Variants in AKAP13 observed in about 807,000 individuals in gnomAD.
AKAP13 encodes A-kinase anchoring protein 13, also known as A-kinase anchor protein 13.
A neutral mutation model predicts 264.5 loss-of-function variants in AKAP13; 80 were observed. The observed-to-expected ratio is 0.30, with a 90% CI of 0.25 to 0.36. The LOEUF (loss-of-function observed/expected upper bound fraction) is 0.36, where lower values mean the gene tolerates loss of function less well. Among genes scored for constraint, AKAP13 ranks in the 10% least tolerant of loss-of-function variants. The pLI is 1.00. For missense variants in AKAP13, 3,712 were observed against 3,435.2 expected (o/e 1.08, Z -2.01); for synonymous variants, 1,380 against 1,250.2 (o/e 1.10, Z -2.19).
chr15:85,551,894 C>G (rs367966929), intron 5 of AKAP13, among the ~76,000 whole-genome samples: 1 of 152,146 alleles, frequency 6.6e-6, no homozygotes, highest in Non-Finnish European at 1.5e-5. Flanking sequence ...TTGGTCAATT[C>G]TAAAGTTTTC....
At chr15:85,416,861 T>C (rs2072264549) in intron 1 of AKAP13, among the ~76,000 whole-genome samples, 1 of 152,208 alleles carries the variant, frequency 6.6e-6, no homozygotes, top group Admixed American at 6.5e-5. Context: ...TGGAGGTTCT[T>C]ACACATTTGG....
intron 19 of AKAP13, among the ~76,000 whole-genome samples, chr15:85,712,275 T>C (rs911142064): frequency 5.9e-5 from 9 of 152,226 alleles, no homozygotes; most frequent in Non-Finnish European, 1.3e-4. Flanking sequence ...AAGAGAGTGA[T>C]TCCCTTTAGA....
At chr15:85,561,196 T>A (rs569032970) in intron 5 of AKAP13, among the ~76,000 whole-genome samples, 1 of 152,158 alleles carries the variant, frequency 6.6e-6, no homozygotes, top group African/African-American at 2.4e-5. Flanking sequence ...TAGCTGGGAT[T>A]ACAGGCGCCC....
rs576735364 is a variant in AKAP13 at position 85,650,118 on chromosome 15, A to G, written c.4374+4164A>G. Among the ~76,000 whole-genome samples, 27 of 152,318 alleles carry G rather than the reference A, an allele frequency of 1.8e-4. No homozygotes were observed. In the East Asian group the frequency reaches 4.2e-3, roughly 24 times the overall value. ...CCAAAAAATTACTTAAAAAAAAACA[A>G]TAAACCTTTTTGAGATAAAAATAAA... On this transcript the variant is annotated intron_variant, in intron 10 of 36. Coordinates refer to ENST00000394518, the MANE Select transcript of AKAP13 (RefSeq NM_007200.5).
intron 1 of AKAP13, among the ~76,000 whole-genome samples, chr15:85,431,995 T>G (rs1178927969): frequency 6.6e-6 from 1 of 152,188 alleles, no homozygotes; most frequent in Non-Finnish European, 1.5e-5. Context: ...ATGAAAAAGA[T>G]GCCTAATTTC....
At chr15:85,600,319 A>T (rs900294658) in intron 8 of AKAP13, among the ~76,000 whole-genome samples, 12 of 42,932 alleles carry the variant, frequency 2.8e-4, no homozygotes, top group South Asian at 1.6e-3. Context: ...GCTTAGATTT[A>T]AAAAAAAAAA....
Position 85,744,745 on chromosome 15 carries a change from C to T in AKAP13, c.*68C>T, listed in dbSNP as rs377731650. On this transcript the variant is annotated 3_prime_UTR_variant, in exon 37 of 37. Coordinates refer to ENST00000394518, the MANE Select transcript of AKAP13 (RefSeq NM_007200.5). ...CAGCCCACCTCTCCTGCTGTCCCCG[C>T]GTGCACAAGTCTCTTACACTGGACG... The T allele has an allele frequency of 8.0e-4, 1,153 of 1,447,128 alleles. 15 individuals carry two copies. The highest frequency in any genetic ancestry group is 4.3e-3 in the South Asian group (326 of 75,474). 89.6% of individuals were successfully genotyped at this position (1,447,128 alleles called of 1,614,324 possible).
At position 85,579,641 on chromosome 15, in the gene AKAP13, A is replaced by G. The variant is rs775604252; in HGVS notation, c.1573A>G (p.Ser525Gly). 3 of 1,614,108 alleles carry G rather than the reference A, an allele frequency of 1.9e-6. No individual in the cohort carries two copies. The highest frequency in any genetic ancestry group is 1.3e-5 in the African/African-American group (1 of 74,936). ...TAGASDVHVTSKPVDKISVPN... is the reference protein window; with the variant it reads ...TAGASDVHVTGKPVDKISVPN... The stretch of plus-strand genomic sequence containing the variant: ...TGGAGCCTCTGACGTGCACGTCACA[A>G]GTAAGCCTGTGGATAAAATCAGTGT... Residue 525 changes from serine (S) to glycine (G), a missense_variant, in exon 7 of 37, where the codon AGT becomes GGT. Coordinates refer to ENST00000394518, the MANE Select transcript of AKAP13 (RefSeq NM_007200.5).
intron 1 of AKAP13, among the ~76,000 whole-genome samples, chr15:85,473,934 A>G (rs1596290898): frequency 6.6e-6 from 1 of 152,236 alleles, no homozygotes; most frequent in Non-Finnish European, 1.5e-5. Flanking sequence ...TGGGATAAGC[A>G]ACAAGAAAAA....
intron 1 of AKAP13, among the ~76,000 whole-genome samples, chr15:85,459,166 T>G (rs916401131): frequency 6.6e-6 from 1 of 152,178 alleles, no homozygotes; most frequent in Non-Finnish European, 1.5e-5. Context: ...ATTTAACTTG[T>G]ATTCCCCTGA....
intron 1 of AKAP13, among the ~76,000 whole-genome samples, chr15:85,459,538 C>A (rs747188107): frequency 6.6e-6 from 1 of 151,334 alleles, no homozygotes; most frequent in Non-Finnish European, 1.5e-5. Flanking sequence ...CTCGCTCTGT[C>A]GCCCAGGCTG....
At chr15:85,706,960 A>C (rs1182458309) in intron 17 of AKAP13, among the ~76,000 whole-genome samples, 1 of 152,138 alleles carries the variant, frequency 6.6e-6, no homozygotes, top group Non-Finnish European at 1.5e-5. Context: ...CCAGTCCCCC[A>C]CAAATCCATG....
At chr15:85,516,430 A>C (rs1264062975) in intron 2 of AKAP13, among the ~76,000 whole-genome samples, 1 of 152,248 alleles carries the variant, frequency 6.6e-6, no homozygotes, top group Non-Finnish European at 1.5e-5. Flanking sequence ...AATCACGGTG[A>C]TACACTAACA....
intron 1 of AKAP13, among the ~76,000 whole-genome samples, chr15:85,472,463 G>A (rs2074996952): frequency 6.6e-6 from 1 of 152,144 alleles, no homozygotes; most frequent in Non-Finnish European, 1.5e-5. Flanking sequence ...AGAAGCTTCA[G>A]TGTTCATTCC....
chr15:85,662,597 T>C (rs1470658129), intron 12 of AKAP13: 2 of 884,020 alleles, frequency 2.3e-6, no homozygotes, highest in Admixed American at 2.0e-5. Flanking sequence ...TCATTGCCTT[T>C]GCTATGGGTG....
chr15:85,666,994 A>T (rs375656610), intron 13 of AKAP13, among the ~76,000 whole-genome samples: 1 of 152,190 alleles, frequency 6.6e-6, no homozygotes, highest in Non-Finnish European at 1.5e-5. Context: ...TTACGAAAGC[A>T]TTCTGGGATG....
chr15:85,529,276 C>T (rs7162139), intron 3 of AKAP13, among the ~76,000 whole-genome samples: 42,511 of 151,982 alleles, frequency 0.28, 7,223 homozygotes, highest in African/African-American at 0.49. Flanking sequence ...AAAAAATTAG[C>T]GGGGCATGGT....
At chr15:85,448,571 A>G (rs1447905682) in intron 1 of AKAP13, among the ~76,000 whole-genome samples, 1 of 152,064 alleles carries the variant, frequency 6.6e-6, no homozygotes, top group Non-Finnish European at 1.5e-5. Context: ...TCCAGCTTCA[A>G]ACTTGTACAT....
intron 7 of AKAP13, 144 bp downstream of exon 7, chr15:85,582,251 C>A: frequency 1.1e-6 from 1 of 900,198 alleles, no homozygotes; most frequent in Non-Finnish European, 1.6e-6. Context: ...ATAGTCACCA[C>A]CATCAGGAGG....
Sources: allele counts gnomAD v4.1 joint callset (sites outside exome capture counted in the v4.1 genomes callset), GRCh38; gene constraint gnomAD v4.1.1; transcripts MANE v1.5; gene names NCBI Gene and HGNC (gene_info 2026-07-23, HGNC 2026-07-21).